ZNF676: variants seen among roughly 807,000 people sequenced by gnomAD.
ZNF676 encodes zinc finger protein 676.
ZNF676 carries 4 observed loss-of-function variants against 6.0 expected under a neutral mutation model. That is an observed-to-expected ratio of 0.67 (90% CI 0.33 to 1.53). The LOEUF (loss-of-function observed/expected upper bound fraction) is 1.53, where lower values mean the gene tolerates loss of function less well. Among genes scored for constraint, ZNF676 ranks in the 40% most tolerant of loss-of-function variants. ZNF676 has a pLI of 0.06. For missense variants in ZNF676, 644 were observed against 679.7 expected (o/e 0.95, Z 0.58); for synonymous variants, 198 against 223.1 (o/e 0.89, Z 1.00).
At chr19:22,258,330 ATCT>A in the ZNF676 span, among the ~76,000 whole-genome samples, 1 of 152,126 alleles carries the variant, frequency 6.6e-6, no homozygotes, top group Non-Finnish European at 1.5e-5. Context: ...GAAGACTTAC[ATCT>A]TCTTCGTGCT....
chr19:22,200,275 A>G (rs761693896), upstream of ZNF676, among the ~76,000 whole-genome samples: 1 of 152,124 alleles, frequency 6.6e-6, no homozygotes, highest in Non-Finnish European at 1.5e-5. Context: ...TTTTAGAAGA[A>G]AAATAAGTAT....
chr19:22,250,925 T>C, the ZNF676 span, among the ~76,000 whole-genome samples: 3 of 152,166 alleles, frequency 2.0e-5, no homozygotes, highest in Admixed American at 6.5e-5. Flanking sequence ...TTGAGCAGGC[T>C]GGTCTCAAAC....
At chr19:22,187,573 A>C (rs1351832911) in intron 2 of ZNF676, among the ~76,000 whole-genome samples, 1 of 152,056 alleles carries the variant, frequency 6.6e-6, no homozygotes, top group Non-Finnish European at 1.5e-5. Flanking sequence ...CAGTGAATCC[A>C]GGAGCTATTT....
intron 1 of ZNF676, among the ~76,000 whole-genome samples, chr19:22,207,944 A>G (rs2024092088): frequency 6.6e-6 from 1 of 151,704 alleles, no homozygotes; most frequent in African/African-American, 2.4e-5. Flanking sequence ...AAATCAACTC[A>G]AGGTAAATGA....
chr19:22,195,199 A>T lies in ZNF676; in HGVS notation c.34+1401T>A, dbSNP rs537246221. On this transcript the variant is annotated intron_variant, in intron 1 of 2. Coordinates refer to ENST00000397121, the MANE Select transcript of ZNF676 (RefSeq NM_001001411.3). ...GGTTTGGGAGCACAACTACATGAGA[A>T]ATCTATCCATCACAACTCATAGCCT... is the stretch of plus-strand genomic sequence containing the variant. 5.3e-5 allele frequency among the ~76,000 whole-genome samples: 8 copies of T among 152,312 alleles called. No homozygotes were observed. The East Asian group carries it at 1.5e-3, about 29-fold the overall frequency.
the ZNF676 span, among the ~76,000 whole-genome samples, chr19:22,245,826 C>T: frequency 6.6e-6 from 1 of 152,128 alleles, no homozygotes. Context: ...ATATCCAGGG[C>T]TCAAGCAGGG....
Position 22,181,200 on chromosome 19 carries a change from C to G in ZNF676, c.517G>C (p.Glu173Gln). 1.2e-6 allele frequency: 2 copies of G among 1,613,896 alleles called. No homozygotes were observed. The highest frequency in any genetic ancestry group is 2.2e-5 in the South Asian group (2 of 91,072). The change falls in exon 3 of 3, where the codon GAA becomes CAA. Residue 173 changes from glutamate to glutamine, a missense_variant. By Grantham distance (29) the Glu-to-Gln change is conservative. Transcript: ENST00000397121. ...YTRENSYKCEENGKAFNWSST... is the reference protein window; with the variant it reads ...YTRENSYKCEQNGKAFNWSST... ...GACCAGTTAAAAGCTTTGCCATTTT[C>G]TTCACATTTGTAGGAATTCTCTCTA...
At chr19:22,207,682 C>A (rs2024089176) in intron 1 of ZNF676, among the ~76,000 whole-genome samples, 1 of 152,142 alleles carries the variant, frequency 6.6e-6, no homozygotes, top group Non-Finnish European at 1.5e-5. Context: ...CATTACATTA[C>A]CTGACTTCAA....
chr19:22,186,979 CA>C (rs1381343018), intron 2 of ZNF676, among the ~76,000 whole-genome samples: 4 of 152,014 alleles, frequency 2.6e-5, no homozygotes, highest in African/African-American at 7.2e-5. Flanking sequence ...ATAAATGAGA[CA>C]AAAAACTAAC....
intron 1 of ZNF676, among the ~76,000 whole-genome samples, chr19:22,209,957 G>A (rs1443300414): frequency 6.6e-6 from 1 of 152,196 alleles, no homozygotes; most frequent in African/African-American, 2.4e-5. Context: ...AGAGAGGGGT[G>A]TGGACACATC....
intron 2 of ZNF676, among the ~76,000 whole-genome samples, chr19:22,183,125 C>G (rs2023784400): frequency 6.6e-6 from 1 of 151,654 alleles, no homozygotes; most frequent in Non-Finnish European, 1.5e-5. Flanking sequence ...ACAAAAAAAT[C>G]TGTATACATA....
At chr19:22,201,086 T>C (rs1019660653), upstream of ZNF676, among the ~76,000 whole-genome samples, 35 of 152,232 alleles carry the variant, frequency 2.3e-4, no homozygotes, top group African/African-American at 7.7e-4. Flanking sequence ...TGGAACTACT[T>C]TGGCTGAACT....
Position 22,180,856 on chromosome 19 carries a change from G to C in ZNF676, c.861C>G (p.Gly287=). The change falls in exon 3 of 3, where the codon GGC becomes GGG. Residue 287 remains glycine (G), a synonymous_variant. Transcript: ENST00000397121. ...EEKPYKCEEC[G]KASNSSSKLM... Reference sequence around the variant, plus strand: ...GCTTTGAGGACGAGTTGGAAGCTTTGCCACATTCTTCACATTTGTAGGGCT... The same window carrying C: ...GCTTTGAGGACGAGTTGGAAGCTTTCCCACATTCTTCACATTTGTAGGGCT... 1 of 1,402,972 alleles carries C rather than the reference G, an allele frequency of 7.1e-7. No homozygotes were observed. Among genetic ancestry groups the C allele is most frequent in the Non-Finnish European group, 9.9e-7 (1 of 1,007,778 alleles). 86.9% of individuals were successfully genotyped at this position (1,402,972 alleles called of 1,614,324 possible). A position where few individuals can be genotyped will look rare whatever the true frequency, so the allele number is the denominator to read the frequency against.
At chr19:22,242,709 A>C in the ZNF676 span, among the ~76,000 whole-genome samples, 2 of 151,936 alleles carry the variant, frequency 1.3e-5, no homozygotes, top group African/African-American at 4.9e-5. Flanking sequence ...CTGAAGGGAG[A>C]GATCAGAAAG....
chr19:22,222,074 T>G, the ZNF676 span, among the ~76,000 whole-genome samples: 1 of 151,832 alleles, frequency 6.6e-6, no homozygotes, highest in Non-Finnish European at 1.5e-5. Context: ...TTTATACTTC[T>G]GAAGCACAGA....
the ZNF676 span, among the ~76,000 whole-genome samples, chr19:22,251,564 C>A: frequency 6.6e-6 from 1 of 151,954 alleles, no homozygotes; most frequent in Non-Finnish European, 1.5e-5. Context: ...CCGAGGTGGG[C>A]AGATCACGAT....
the ZNF676 span, among the ~76,000 whole-genome samples, chr19:22,240,023 G>T: frequency 8.5e-5 from 13 of 152,350 alleles, no homozygotes; most frequent in Non-Finnish European, 1.6e-4. Flanking sequence ...TAACCTAGGG[G>T]ATGCACCCAG....
chr19:22,251,979 G>C, the ZNF676 span, among the ~76,000 whole-genome samples: 2 of 152,046 alleles, frequency 1.3e-5, no homozygotes, highest in African/African-American at 4.8e-5. Flanking sequence ...TTGTTGTTGT[G>C]CTCTTTGTGT....
the ZNF676 span, among the ~76,000 whole-genome samples, chr19:22,253,212 A>G: frequency 6.6e-6 from 1 of 151,812 alleles, no homozygotes; most frequent in Admixed American, 6.6e-5. Context: ...CAGAACCTCA[A>G]CAGTCAGCTG....
Sources: allele counts gnomAD v4.1 joint callset (sites outside exome capture counted in the v4.1 genomes callset), GRCh38; gene constraint gnomAD v4.1.1; transcripts MANE v1.5; gene names NCBI Gene and HGNC (gene_info 2026-07-23, HGNC 2026-07-21).